The following RGS7 variants were observed in gnomAD, a reference collection of about 807,000 sequenced individuals.
RGS7 encodes the protein regulator of G-protein signaling 7.
In RGS7, 27 loss-of-function variants were observed where a neutral mutation model predicts 81.1. The ratio of observed to expected loss-of-function variants is 0.33; its 90% CI spans 0.25 to 0.46. RGS7 has a LOEUF of 0.46. Among genes scored for constraint, RGS7 ranks in the 20% least tolerant of loss-of-function variants. RGS7 has a pLI of 1.00. For synonymous variants in RGS7, 208 were observed against 207.7 expected (o/e 1.00, Z -0.01); for missense variants, 396 against 607.4 (o/e 0.65, Z 3.66).
intron 3 of RGS7, among the ~76,000 whole-genome samples, chr1:241,078,916 G>C (rs55820703): frequency 0.041 from 6,290 of 152,146 alleles, 173 homozygotes; most frequent in East Asian, 0.14. Flanking sequence ...TCTACCACCG[G>C]TATGTACTCT....
intron 3 of RGS7, among the ~76,000 whole-genome samples, chr1:241,032,053 G>A (rs536405587): frequency 2.6e-5 from 4 of 152,246 alleles, no homozygotes; most frequent in South Asian, 4.1e-4. Context: ...CTTTGCCTAC[G>A]GCAATATCCA....
At chr1:241,157,813 T>C (rs1045647832) in intron 2 of RGS7, among the ~76,000 whole-genome samples, 2 of 114,706 alleles carry the variant, frequency 1.7e-5, no homozygotes, top group African/African-American at 8.8e-5. Flanking sequence ...TTTCTTTTCT[T>C]TTCTTTTCTT....
In RGS7 at chr1:240,930,733, C is replaced by T. The variant is rs749423672; in HGVS notation, c.369G>A (p.Pro123=). ...GGCACTGACCATAATCTGTGTTTTC[C>T]GGCTCCCAACAATTTGATGGCCAAA... ...PYFWPSNCWE[P]ENTDYAVYLC... Residue 123 remains proline (P), a synonymous_variant, in exon 6 of 19, where the codon CCG becomes CCA. Coordinates refer to ENST00000440928, the MANE Select transcript of RGS7 (RefSeq NM_001364886.1). 77 of 1,613,512 alleles carry T rather than the reference C, an allele frequency of 4.8e-5. 1 individual carries two copies. Among genetic ancestry groups the T allele is most frequent in the South Asian group, 4.6e-4 (42 of 91,058 alleles).
intron 2 of RGS7, among the ~76,000 whole-genome samples, chr1:241,219,315 G>A (rs1002045681): frequency 6.6e-6 from 1 of 152,148 alleles, no homozygotes; most frequent in Non-Finnish European, 1.5e-5. Flanking sequence ...GAGTTTCCCT[G>A]CACGAGCTCT....
intron 6 of RGS7, among the ~76,000 whole-genome samples, chr1:240,876,621 A>T (rs1278439437): frequency 6.6e-6 from 1 of 152,186 alleles, no homozygotes; most frequent in East Asian, 1.9e-4. Context: ...AACAGGGGAA[A>T]GTCTCCTTGG....
chr1:241,258,112 G>A (rs891485070), intron 2 of RGS7, among the ~76,000 whole-genome samples: 3 of 152,066 alleles, frequency 2.0e-5, no homozygotes, highest in African/African-American at 7.2e-5. Flanking sequence ...TAGTATTCTG[G>A]ATTGGCAAGA....
At chr1:240,857,293 T>C (rs1661318336) in intron 9 of RGS7, among the ~76,000 whole-genome samples, 1 of 152,156 alleles carries the variant, frequency 6.6e-6, no homozygotes, top group Non-Finnish European at 1.5e-5. Context: ...AATTCCCGTA[T>C]GTCCCCTCAT....
At chr1:241,169,987 A>G (rs759263783) in intron 2 of RGS7, among the ~76,000 whole-genome samples, 1 of 147,814 alleles carries the variant, frequency 6.8e-6, no homozygotes, top group Non-Finnish European at 1.5e-5. Context: ...TATCTTAGAG[A>G]CATCCCTGAT....
chr1:240,803,391 A>T (rs1482681605), intron 15 of RGS7, among the ~76,000 whole-genome samples: 3 of 152,192 alleles, frequency 2.0e-5, no homozygotes, highest in Non-Finnish European at 4.4e-5. Context: ...ATCATCCTGG[A>T]TACCTTTGGC....
chr1:241,170,293 C>T (rs1425021343), intron 2 of RGS7, among the ~76,000 whole-genome samples: 1 of 152,124 alleles, frequency 6.6e-6, no homozygotes, highest in East Asian at 1.9e-4. Flanking sequence ...ATGCCTTTCT[C>T]TACTGCCTAC....
intron 3 of RGS7, among the ~76,000 whole-genome samples, chr1:241,027,657 C>T (rs933766789): frequency 2.0e-5 from 3 of 151,872 alleles, no homozygotes; most frequent in Admixed American, 6.6e-5. Context: ...ATGGGTGAAG[C>T]GAGGGAAAGA....
At chr1:241,016,962 TCTC>T (rs1481271189) in intron 3 of RGS7, among the ~76,000 whole-genome samples, 1 of 152,202 alleles carries the variant, frequency 6.6e-6, no homozygotes, top group Admixed American at 6.6e-5. Context: ...TTCTATTTTA[TCTC>T]CTCTTTTGGT....
chr1:240,913,989 G>T (rs1672185321), intron 6 of RGS7, among the ~76,000 whole-genome samples: 1 of 151,040 alleles, frequency 6.6e-6, no homozygotes, highest in African/African-American at 2.4e-5. Context: ...GTATACATGT[G>T]CCATGCTGGT....
At chr1:240,992,035 C>T (rs1201850818) in intron 3 of RGS7, among the ~76,000 whole-genome samples, 1 of 152,298 alleles carries the variant, frequency 6.6e-6, no homozygotes, top group Non-Finnish European at 1.5e-5. Context: ...GACACAGTTG[C>T]TGTATCTGTT....
At position 240,868,152 on chromosome 1, in the gene RGS7, A is replaced by AAGAAAG. The variant is rs1553331368; in HGVS notation, c.609+429_609+434dup. On this transcript the variant is annotated intron_variant, in intron 9 of 18. Transcript: ENST00000440928. The surrounding 1 kb of genome is among the most constrained non-coding windows in gnomAD (Gnocchi z 5.1). ...AAAGAAAGAAAGAAAGAAAGAAAGA[A>AAGAAAG]AGAAAGGACGGAGGGAGGGAAGGAC... is the stretch of plus-strand genomic sequence containing the variant. Among the ~76,000 whole-genome samples the AAGAAAG allele has an allele frequency of 0.028, 2,652 of 94,460 alleles. 96 individuals carry two copies. The highest frequency in any genetic ancestry group is 0.095 in the African/African-American group (2,368 of 24,822). 62.0% of individuals were successfully genotyped at this position (94,460 alleles called of 152,430 possible).
intron 9 of RGS7, among the ~76,000 whole-genome samples, chr1:240,858,688 T>C (rs1661597511): frequency 6.6e-6 from 1 of 152,220 alleles, no homozygotes; most frequent in Non-Finnish European, 1.5e-5. Flanking sequence ...ACATCTTTTA[T>C]AGAGTAAAAG....
intron 3 of RGS7, among the ~76,000 whole-genome samples, chr1:241,023,439 T>C (rs1218873365): frequency 6.6e-6 from 1 of 152,204 alleles, no homozygotes. Flanking sequence ...ATGAAGACAG[T>C]GCTTCCCAGT....
At chr1:241,266,390 A>C (rs2077594985) in intron 2 of RGS7, among the ~76,000 whole-genome samples, 1 of 152,202 alleles carries the variant, frequency 6.6e-6, no homozygotes. Context: ...TAAATCTGTT[A>C]GCTAACCCCC....
chr1:241,137,391 A>C (rs955366177), intron 2 of RGS7, among the ~76,000 whole-genome samples: 6 of 152,198 alleles, frequency 3.9e-5, no homozygotes, highest in African/African-American at 1.4e-4. Flanking sequence ...TTAATGATTT[A>C]AGATATGTAG....
Sources: allele counts gnomAD v4.1 joint callset (sites outside exome capture counted in the v4.1 genomes callset), GRCh38; gene constraint gnomAD v4.1.1; non-coding constraint Gnocchi (gnomAD v3.1); transcripts MANE v1.5; gene names NCBI Gene and HGNC (gene_info 2026-07-23, HGNC 2026-07-21).